Variants in NRXN3 observed in about 807,000 individuals in gnomAD.
The protein encoded by NRXN3 is neurexin 3.
A neutral mutation model predicts 137.6 loss-of-function variants in NRXN3; 32 were observed. The observed-to-expected ratio is 0.23, with a 90% CI of 0.18 to 0.31. NRXN3 has a LOEUF of 0.31. NRXN3 is among the 10% of genes least tolerant of loss of function. The pLI, the probability that NRXN3 is intolerant of heterozygous loss-of-function variation, is 1.00. For synonymous variants in NRXN3, 798 were observed against 784.5 expected (o/e 1.02, Z -0.29); for missense variants, 1,574 against 2,062.5 (o/e 0.76, Z 4.59).
chr14:78,296,589 G>T (rs564457374), intron 3 of NRXN3, among the ~76,000 whole-genome samples: 6 of 152,058 alleles, frequency 3.9e-5, no homozygotes, highest in Admixed American at 3.9e-4. Context: ...TCATTCTTCC[G>T]TGAGTATTTA....
chr14:79,384,969 T>G (rs2094565653), intron 15 of NRXN3, among the ~76,000 whole-genome samples: 1 of 152,182 alleles, frequency 6.6e-6, no homozygotes, highest in Non-Finnish European at 1.5e-5. Flanking sequence ...TGGTTCTCAC[T>G]TTTTTCTAGA....
intron 11 of NRXN3, among the ~76,000 whole-genome samples, chr14:78,960,866 A>T (rs149696924): frequency 3.3e-4 from 50 of 152,348 alleles, no homozygotes; most frequent in African/African-American, 1.2e-3. Flanking sequence ...TATTTCTCAT[A>T]GTAATTTTTA....
At chr14:79,101,643 G>T (rs1378791333) in intron 15 of NRXN3, among the ~76,000 whole-genome samples, 1 of 152,186 alleles carries the variant, frequency 6.6e-6, no homozygotes, top group African/African-American at 2.4e-5. Flanking sequence ...CCTGTGTGCG[G>T]CATGAAGCCA....
intron 19 of NRXN3, among the ~76,000 whole-genome samples, chr14:79,745,924 A>G (rs956872561): frequency 6.6e-6 from 1 of 152,240 alleles, no homozygotes; most frequent in Middle Eastern, 3.4e-3. Flanking sequence ...TTCTTGTAAG[A>G]CACTAGTTAT....
At chr14:79,825,233 G>A (rs1339566941) in intron 20 of NRXN3, among the ~76,000 whole-genome samples, 7 of 126,084 alleles carry the variant, frequency 5.6e-5, no homozygotes, top group East Asian at 4.6e-4. Flanking sequence ...TTTTACGGCC[G>A]TCCAATTTTC....
rs1379080746 is a variant in NRXN3, at chr14:79,478,512, T to C, written c.3444+11110T>C. Among the ~76,000 whole-genome samples the C allele has an allele frequency of 3.3e-5, 5 of 152,032 alleles. No homozygotes were observed. In the East Asian group the frequency reaches 9.7e-4, roughly 29 times the overall value. ...ATTTCTTCTCTGTCACGGGCATCATTAACTTTGAGCCAGAGGACCCAGCAT... is the reference window on the plus strand; with the variant it reads ...ATTTCTTCTCTGTCACGGGCATCATCAACTTTGAGCCAGAGGACCCAGCAT... On this transcript the variant is annotated intron_variant, in intron 16 of 20. Coordinates refer to ENST00000335750, the MANE Select transcript of NRXN3 (RefSeq NM_001330195.2).
chr14:79,227,722 C>T (rs964005710), intron 15 of NRXN3, among the ~76,000 whole-genome samples: 4 of 147,622 alleles, frequency 2.7e-5, no homozygotes, highest in Non-Finnish European at 3.0e-5. Flanking sequence ...CTTTCTTTTT[C>T]TCTCTCTCTC....
intron 9 of NRXN3, among the ~76,000 whole-genome samples, chr14:78,806,615 C>T (rs2153087887): frequency 6.6e-6 from 1 of 152,236 alleles, no homozygotes; most frequent in African/African-American, 2.4e-5. Context: ...TCTGATGTAA[C>T]ATATCTTCCA....
intron 8 of NRXN3, among the ~76,000 whole-genome samples, chr14:78,803,367 G>A (rs2098845221): frequency 6.6e-6 from 1 of 152,138 alleles, no homozygotes; most frequent in Admixed American, 6.5e-5. Context: ...CCCTTCACAA[G>A]TCTATGAGCC....
At chr14:79,189,934 C>T (rs995475478) in intron 15 of NRXN3, among the ~76,000 whole-genome samples, 2 of 152,098 alleles carry the variant, frequency 1.3e-5, no homozygotes, top group Admixed American at 6.6e-5. Flanking sequence ...AAAGATTTCC[C>T]TGAAGACAAT....
In NRXN3 at chr14:78,360,282, G is replaced by A. The variant is rs964110669; in HGVS notation, c.757+62422G>A. ...CAGGCTACTGAATTAGACCGTCTAGGGGTCGGGGTCCTTTCACTGTTTAAA... is the reference window on the plus strand; with the variant it reads ...CAGGCTACTGAATTAGACCGTCTAGAGGTCGGGGTCCTTTCACTGTTTAAA... On this transcript the variant is annotated intron_variant, in intron 4 of 20. Coordinates refer to ENST00000335750, the MANE Select transcript of NRXN3 (RefSeq NM_001330195.2). Among the ~76,000 whole-genome samples, 5 of 152,214 alleles carry A rather than the reference G, an allele frequency of 3.3e-5. No individual in the cohort carries two copies. The South Asian group carries it at 1.0e-3, about 32-fold the overall frequency.
intron 1 of NRXN3, among the ~76,000 whole-genome samples, chr14:78,214,913 A>G (rs1468500299): frequency 1.3e-5 from 2 of 152,188 alleles, no homozygotes; most frequent in South Asian, 2.1e-4. Context: ...CCTGGGTTCC[A>G]TATGGGCTGT....
intron 15 of NRXN3, among the ~76,000 whole-genome samples, chr14:79,229,355 C>G (rs927411183): frequency 6.6e-6 from 1 of 152,258 alleles, no homozygotes; most frequent in East Asian, 1.9e-4. Flanking sequence ...TTAGTCATTT[C>G]CCATTTGTTT....
chr14:78,805,143 CA>C (rs1161335289), intron 9 of NRXN3, among the ~76,000 whole-genome samples: 1 of 152,078 alleles, frequency 6.6e-6, no homozygotes, highest in African/African-American at 2.4e-5. Flanking sequence ...CTGTTTTGAG[CA>C]GTGACTTCTT....
chr14:79,763,262 G>A (rs1369772634), intron 19 of NRXN3, among the ~76,000 whole-genome samples: 1 of 151,586 alleles, frequency 6.6e-6, no homozygotes, highest in Non-Finnish European at 1.5e-5. Context: ...TCTTTATCCA[G>A]TCTATCACTG....
rs187076723 is a variant in NRXN3, at chr14:79,829,793, G to A, written c.4093+24603G>A. 4.1e-3 allele frequency among the ~76,000 whole-genome samples: 629 copies of A among 151,734 alleles called. 5 individuals are homozygous for A. Among genetic ancestry groups the A allele is most frequent in the Non-Finnish European group, 4.5e-3 (304 of 67,848 alleles). The stretch of plus-strand genomic sequence containing the variant: ...ACATCATCTATACATCCAGTCTACC[G>A]TGGCCACTGAATCCAATGACTTTTT... On this transcript the variant is annotated intron_variant, in intron 20 of 20. Coordinates refer to ENST00000335750, the MANE Select transcript of NRXN3 (RefSeq NM_001330195.2).
At chr14:79,278,412 T>C (rs1243954333) in intron 15 of NRXN3, among the ~76,000 whole-genome samples, 1 of 152,178 alleles carries the variant, frequency 6.6e-6, no homozygotes, top group Non-Finnish European at 1.5e-5. Context: ...AGTCCCCTCC[T>C]GGAGTCACAG....
At chr14:78,454,278 C>T (rs8013213) in intron 4 of NRXN3, among the ~76,000 whole-genome samples, 15,723 of 151,682 alleles carry the variant, frequency 0.1, 1,129 homozygotes, top group African/African-American at 0.19. Context: ...CTTCACCATA[C>T]TCTAGCTTCT....
At chr14:78,225,976 T>TGTTG (rs1555412836) in intron 1 of NRXN3, among the ~76,000 whole-genome samples, 1,366 of 106,578 alleles carry the variant, frequency 0.013, 15 homozygotes, top group East Asian at 0.091. Flanking sequence ...TGTGTGTTGG[T>TGTTG]GTGTGTGTGT....
Sources: gnomAD v4.1 joint callset for allele counts (sites outside exome capture counted in the v4.1 genomes callset) on GRCh38, gnomAD v4.1.1 for gene constraint, MANE v1.5 for transcripts, NCBI Gene and HGNC (gene_info 2026-07-23, HGNC 2026-07-21) for gene names.